Variants in SERPINI1 observed in about 807,000 individuals in gnomAD.
The protein encoded by SERPINI1 is serpin family I member 1.
SERPINI1 carries 19 observed loss-of-function variants against 41.1 expected under a neutral mutation model. The ratio of observed to expected loss-of-function variants is 0.46; its 90% CI spans 0.32 to 0.68. The LOEUF (loss-of-function observed/expected upper bound fraction) is 0.68. SERPINI1 is among the 30% of genes least tolerant of loss of function. The pLI is 0.03. For synonymous variants in SERPINI1, 138 were observed against 156.6 expected (o/e 0.88, Z 0.89); for missense variants, 460 against 479.2 (o/e 0.96, Z 0.37).
At chr3:167,796,840 C>A (rs940659980) in intron 5 of SERPINI1, among the ~76,000 whole-genome samples, 2 of 151,950 alleles carry the variant, frequency 1.3e-5, no homozygotes, top group African/African-American at 4.8e-5. Context: ...GTGCATGTAT[C>A]TTTATAATAG....
At chr3:167,793,943 A>G (rs1727629698) in intron 4 of SERPINI1, among the ~76,000 whole-genome samples, 1 of 151,924 alleles carries the variant, frequency 6.6e-6, no homozygotes, top group East Asian at 1.9e-4. Context: ...GGAGATATCA[A>G]TATTCACAAA....
At chr3:167,822,599 G>A (rs2108575140) in intron 6 of SERPINI1, among the ~76,000 whole-genome samples, 1 of 151,818 alleles carries the variant, frequency 6.6e-6, no homozygotes, top group Non-Finnish European at 1.5e-5. Context: ...TTTTTATTCT[G>A]GCTGTTTCTG....
At chr3:167,741,880 G>T (rs1456491000) in intron 1 of SERPINI1, among the ~76,000 whole-genome samples, 1 of 152,002 alleles carries the variant, frequency 6.6e-6, no homozygotes, top group African/African-American at 2.4e-5. Context: ...TACCAGTAAT[G>T]TCATAGAATA....
At chr3:167,758,510 G>A (rs1369277837) in intron 1 of SERPINI1, among the ~76,000 whole-genome samples, 2 of 152,170 alleles carry the variant, frequency 1.3e-5, no homozygotes, top group African/African-American at 4.8e-5. Flanking sequence ...AAATCACAGT[G>A]TGTCAAATAT....
intron 6 of SERPINI1, among the ~76,000 whole-genome samples, chr3:167,809,719 G>GT (rs1166975477): frequency 2.0e-5 from 3 of 152,064 alleles, no homozygotes; most frequent in African/African-American, 4.8e-5. Flanking sequence ...TGTATTCCTG[G>GT]TACCTTGTAA....
intron 6 of SERPINI1, among the ~76,000 whole-genome samples, chr3:167,813,172 A>G (rs1269714377): frequency 1.3e-5 from 2 of 152,186 alleles, no homozygotes; most frequent in Non-Finnish European, 2.9e-5. Flanking sequence ...CCTGTAAACT[A>G]CAAGGCTCTA....
chr3:167,789,488 C>A, intron 2 of SERPINI1, 110 bp downstream of exon 2: 1 of 1,309,006 alleles, frequency 7.6e-7, no homozygotes, highest in Non-Finnish European at 1.1e-6. Context: ...AAAAAACAAT[C>A]TCATTGAAAT....
intron 1 of SERPINI1, among the ~76,000 whole-genome samples, chr3:167,774,397 A>G (rs1726895171): frequency 1.3e-5 from 2 of 152,196 alleles, no homozygotes; most frequent in Admixed American, 1.3e-4. Flanking sequence ...TGGCCAAGAT[A>G]AAAGTGTATC....
chr3:167,769,979 GTT>G (rs67548059), intron 1 of SERPINI1, among the ~76,000 whole-genome samples: 2 of 122,914 alleles, frequency 1.6e-5, no homozygotes, highest in African/African-American at 5.9e-5. Context: ...GTAGTTACAT[GTT>G]TTTTTTTTTC....
At chr3:167,788,847 C>T (rs1206250107) in intron 1 of SERPINI1, among the ~76,000 whole-genome samples, 1 of 152,050 alleles carries the variant, frequency 6.6e-6, no homozygotes, top group Non-Finnish European at 1.5e-5. Flanking sequence ...CTGTATTTGG[C>T]GAGGCTATGA....
intron 1 of SERPINI1, among the ~76,000 whole-genome samples, chr3:167,759,191 CT>C (rs1180930599): frequency 1.3e-5 from 2 of 151,984 alleles, no homozygotes; most frequent in Non-Finnish European, 2.9e-5. Context: ...ATTTTATAGA[CT>C]TTGAGTTCCA....
intron 4 of SERPINI1, among the ~76,000 whole-genome samples, chr3:167,793,596 A>ATATAT: frequency 0.073 from 10,307 of 140,324 alleles, 500 homozygotes; most frequent in Non-Finnish European, 0.11. Context: ...ATATATATAT[A>ATATAT]TTTTTAATTA....
chr3:167,793,596 A>ATATATATATATTTTT, intron 4 of SERPINI1, among the ~76,000 whole-genome samples: 12 of 140,616 alleles, frequency 8.5e-5, no homozygotes, highest in African/African-American at 3.0e-4. Flanking sequence ...ATATATATAT[A>ATATATATATATTTTT]TTTTTAATTA....
chr3:167,791,909 G>A (rs1044214786), intron 3 of SERPINI1, among the ~76,000 whole-genome samples: 1 of 152,198 alleles, frequency 6.6e-6, no homozygotes, highest in African/African-American at 2.4e-5. Context: ...TGGATCACTT[G>A]AGGCTAGGAG....
intron 4 of SERPINI1, 51 bp from the exon 5 acceptor site, chr3:167,794,569 C>CT: frequency 6.5e-7 from 1 of 1,527,514 alleles, no homozygotes; most frequent in Non-Finnish European, 9.0e-7. Context: ...TCGCCCCCAG[C>CT]TTTTTTTAAG....
At chr3:167,799,509 G>T (rs1384451196) in intron 5 of SERPINI1, among the ~76,000 whole-genome samples, 5 of 152,188 alleles carry the variant, frequency 3.3e-5, no homozygotes, top group Admixed American at 3.3e-4. Context: ...ACATACGTGT[G>T]TGTGTGTCTT....
intron 3 of SERPINI1, 38 bp from the exon 4 acceptor site, chr3:167,792,552 T>G: frequency 6.4e-7 from 1 of 1,573,384 alleles, no homozygotes; most frequent in Non-Finnish European, 8.7e-7. Flanking sequence ...TCTTCCAGTT[T>G]AACATGAATT....
At chr3:167,786,432 C>T (rs1030639713) in intron 1 of SERPINI1, among the ~76,000 whole-genome samples, 3 of 141,744 alleles carry the variant, frequency 2.1e-5, no homozygotes, top group Non-Finnish European at 4.5e-5. Flanking sequence ...GGCGTGAACC[C>T]GGGAGGCGGA....
chr3:167,786,813 GCCA>G (rs562895433), intron 1 of SERPINI1, among the ~76,000 whole-genome samples: 82 of 152,020 alleles, frequency 5.4e-4, no homozygotes, highest in African/African-American at 1.9e-3. Flanking sequence ...GTTTTGTAAT[GCCA>G]CCACATCTGG....
Sources: gnomAD v4.1 joint callset for allele counts (sites outside exome capture counted in the v4.1 genomes callset) on GRCh38, gnomAD v4.1.1 for gene constraint, MANE v1.5 for transcripts, NCBI Gene and HGNC (gene_info 2026-07-23, HGNC 2026-07-21) for gene names.